The following MLLT10 variants were observed in gnomAD, a reference collection of about 807,000 sequenced individuals.
MLLT10 encodes protein AF-10.
A neutral mutation model predicts 129.1 loss-of-function variants in MLLT10; 30 were observed. The observed-to-expected ratio is 0.23, with a 90% CI of 0.17 to 0.32. The LOEUF (loss-of-function observed/expected upper bound fraction) is 0.32, where lower values mean the gene tolerates loss of function less well. MLLT10 is among the 10% of genes least tolerant of loss of function. The pLI is 1.00. For synonymous variants in MLLT10, 490 were observed against 446.4 expected (o/e 1.10, Z -1.23); for missense variants, 1,119 against 1,268.3 (o/e 0.88, Z 1.79).
intron 3 of MLLT10, among the ~76,000 whole-genome samples, chr10:21,554,932 A>G (rs994148315): frequency 6.7e-6 from 1 of 148,800 alleles, no homozygotes; most frequent in African/African-American, 2.5e-5. Flanking sequence ...AGCAATTCTC[A>G]GGCCTCAGCC....
intron 13 of MLLT10, among the ~76,000 whole-genome samples, chr10:21,708,235 AC>A (rs2131498702): frequency 6.6e-6 from 1 of 152,302 alleles, no homozygotes; most frequent in East Asian, 1.9e-4. Context: ...CACCCTCTGT[AC>A]CGTTCTGCAG....
intron 8 of MLLT10, among the ~76,000 whole-genome samples, chr10:21,633,031 A>T (rs2131271063): frequency 6.6e-6 from 1 of 152,306 alleles, no homozygotes; most frequent in East Asian, 1.9e-4. Context: ...CAGTTAAAAG[A>T]TGTGTATATG....
chr10:21,703,709 C>T (rs1468933812), intron 13 of MLLT10, among the ~76,000 whole-genome samples: 3 of 151,988 alleles, frequency 2.0e-5, no homozygotes, highest in Non-Finnish European at 4.4e-5. Context: ...TACCACCCGG[C>T]TAATTTTTGT....
intron 9 of MLLT10, among the ~76,000 whole-genome samples, chr10:21,652,916 TA>T (rs1403289388): frequency 6.6e-6 from 1 of 152,144 alleles, no homozygotes; most frequent in Admixed American, 6.5e-5. Context: ...TTCTTACAGA[TA>T]AGTTAGAGGC....
chr10:21,714,503 T>C (rs1172390336), intron 14 of MLLT10, among the ~76,000 whole-genome samples: 1 of 152,188 alleles, frequency 6.6e-6, no homozygotes, highest in African/African-American at 2.4e-5. Context: ...ACTTCAGATT[T>C]GTAGTTTGAT....
At chr10:21,733,388 A>G in intron 18 of MLLT10, 116 bp from the exon 19 acceptor site, 1 of 638,126 alleles carries the variant, frequency 1.6e-6, no homozygotes, top group East Asian at 3.1e-5. Flanking sequence ...GCAAGACTAG[A>G]TATTTAAGTG....
At chr10:21,628,785 C>T (rs2046724442) in intron 8 of MLLT10, among the ~76,000 whole-genome samples, 1 of 130,144 alleles carries the variant, frequency 7.7e-6, no homozygotes, top group Non-Finnish European at 1.6e-5. Flanking sequence ...CTCGCTCTGT[C>T]TCCCAGGCTG....
In MLLT10 at chr10:21,741,884, GAAT is replaced by G. The variant is rs1833695205; in HGVS notation, c.3163-53_3163-51del. ...TCTCAGTCACAGTTTCAAATTCGGA[GAAT>G]ATTATCAAAAGTTGATTTAGCTAAC... is the stretch of plus-strand genomic sequence containing the variant. On this transcript the variant is annotated intron_variant, in intron 22 of 22. Transcript: ENST00000307729. 2.6e-5 allele frequency: 40 copies of G among 1,561,908 alleles called. No homozygotes were observed. The South Asian group carries it at 3.7e-4, about 15-fold the overall frequency.
At chr10:21,676,720 C>CAAAAAAAAAAAAAAAAAAAAAAA (rs56000691) in intron 11 of MLLT10, among the ~76,000 whole-genome samples, 7 of 32,012 alleles carry the variant, frequency 2.2e-4, no homozygotes, top group African/African-American at 2.8e-4. Context: ...GACTCCATCT[C>CAAAAAAAAAAAAAAAAAAAAAAA]AAAAAAAAAA....
intron 8 of MLLT10, chr10:21,626,263 A>G: frequency 1.3e-6 from 2 of 1,511,130 alleles, no homozygotes; most frequent in Non-Finnish European, 1.8e-6. Context: ...CTCTTTCATC[A>G]AGATCGATAC....
intron 4 of MLLT10, 61 bp downstream of exon 4, chr10:21,586,409 A>C (rs1280599069): frequency 8.5e-7 from 1 of 1,182,176 alleles, no homozygotes; most frequent in Non-Finnish European, 1.2e-6. Flanking sequence ...GAGTATTTTC[A>C]AATATTTGGT....
intron 3 of MLLT10, among the ~76,000 whole-genome samples, chr10:21,585,077 C>T (rs1367359955): frequency 2.0e-5 from 3 of 151,842 alleles, no homozygotes; most frequent in Non-Finnish European, 4.4e-5. Context: ...CACCACCACA[C>T]CCAGCTAATT....
intron 3 of MLLT10, among the ~76,000 whole-genome samples, chr10:21,553,317 C>A (rs2037378250): frequency 6.6e-6 from 1 of 151,766 alleles, no homozygotes; most frequent in South Asian, 2.1e-4. Context: ...AAGTCCAAAG[C>A]AGTTCTAATT....
intron 3 of MLLT10, among the ~76,000 whole-genome samples, chr10:21,552,206 G>A (rs905815615): frequency 1.3e-5 from 2 of 152,032 alleles, no homozygotes; most frequent in Non-Finnish European, 1.5e-5. Context: ...GACTACAGGC[G>A]TGAGCTACCC....
intron 16 of MLLT10, among the ~76,000 whole-genome samples, chr10:21,730,024 TA>T (rs2057828409): frequency 1.3e-5 from 2 of 151,960 alleles, no homozygotes; most frequent in African/African-American, 4.8e-5. Context: ...AGCAGTTAGA[TA>T]GAGAGGCCTG....
At chr10:21,562,929 C>T (rs1223194335) in intron 3 of MLLT10, among the ~76,000 whole-genome samples, 1 of 146,896 alleles carries the variant, frequency 6.8e-6, no homozygotes, top group East Asian at 2.1e-4. Context: ...AAGGAATTCT[C>T]CTGTCTCAGC....
chr10:21,578,602 G>C (rs193242171), intron 3 of MLLT10, among the ~76,000 whole-genome samples: 1 of 152,230 alleles, frequency 6.6e-6, no homozygotes, highest in East Asian at 1.9e-4. Flanking sequence ...CTTACATTTA[G>C]ATCTGCGATT....
intron 13 of MLLT10, among the ~76,000 whole-genome samples, chr10:21,694,313 T>C (rs1369038663): frequency 6.6e-6 from 1 of 152,174 alleles, no homozygotes; most frequent in East Asian, 1.9e-4. Context: ...CACAGCGTAG[T>C]TGTTTTGGAT....
intron 13 of MLLT10, among the ~76,000 whole-genome samples, chr10:21,697,440 T>C (rs139930221): frequency 1.2e-4 from 18 of 152,348 alleles, no homozygotes; most frequent in African/African-American, 3.8e-4. Flanking sequence ...CACTCCAGCC[T>C]GGGCAACAAG....
Sources: gnomAD v4.1 joint callset for allele counts (sites outside exome capture counted in the v4.1 genomes callset) on GRCh38, gnomAD v4.1.1 for gene constraint, MANE v1.5 for transcripts, NCBI Gene and HGNC (gene_info 2026-07-23, HGNC 2026-07-21) for gene names.